The following CACNA1C variants were observed in gnomAD, a reference collection of about 807,000 sequenced individuals.
CACNA1C encodes calcium voltage-gated channel subunit alpha1 C, also known as voltage-dependent L-type calcium channel subunit alpha-1C.
Under a neutral mutation model 229.0 loss-of-function variants are expected in CACNA1C, and 30 were observed. That is an observed-to-expected ratio of 0.13 (90% confidence interval 0.10 to 0.18). CACNA1C has a LOEUF of 0.18. Ranked by LOEUF, CACNA1C falls within the 10% of genes least tolerant of loss-of-function variation. The pLI is 1.00. For missense variants in CACNA1C, 1,658 were observed against 2,845.0 expected (o/e 0.58, Z 9.49); for synonymous variants, 1,114 against 1,132.5 (o/e 0.98, Z 0.33).
At chr12:2,581,509 C>G in intron 13 of CACNA1C, 81 bp from the exon 14 acceptor site, 1 of 1,264,994 alleles carries the variant, frequency 7.9e-7, no homozygotes, top group Admixed American at 2.4e-5. Flanking sequence ...TGAGAACCTG[C>G]AGTGGGCAGT....
chr12:2,100,582 C>CA (rs71441677), intron 1 of CACNA1C, among the ~76,000 whole-genome samples: 1,491 of 66,166 alleles, frequency 0.023, 19 homozygotes, highest in African/African-American at 0.04. Context: ...CTGTTTCTAC[C>CA]AAAAAAAAAA....
At chr12:2,641,385 A>G (rs553286157) in intron 30 of CACNA1C, 142 of 235,772 alleles carry the variant, frequency 6.0e-4, no homozygotes, top group South Asian at 1.2e-3. Flanking sequence ...GCTGTTGCCA[A>G]CCATTGTCTA....
At chr12:2,662,745 C>A (rs2095831921) in intron 34 of CACNA1C, among the ~76,000 whole-genome samples, 1 of 152,170 alleles carries the variant, frequency 6.6e-6, no homozygotes, top group African/African-American at 2.4e-5. Flanking sequence ...TACTATAAGG[C>A]AACTTACTAT....
chr12:2,382,642 T>C (rs2098276027), intron 3 of CACNA1C, among the ~76,000 whole-genome samples: 1 of 152,202 alleles, frequency 6.6e-6, no homozygotes, highest in African/African-American at 2.4e-5. Context: ...AGGAGAGATG[T>C]AGGAGCCAAC....
chr12:2,252,627 T>A (rs752894948), intron 3 of CACNA1C, among the ~76,000 whole-genome samples: 10 of 152,184 alleles, frequency 6.6e-5, no homozygotes, highest in Admixed American at 2.0e-4. Flanking sequence ...TTGTAGGTGG[T>A]AGAGGCCTGG....
chr12:2,585,980 G>T lies in CACNA1C; in HGVS notation c.2530+76G>T. 1 of 844,228 alleles carries T rather than the reference G, an allele frequency of 1.2e-6. No individual in the cohort carries two copies. The highest frequency in any genetic ancestry group is 1.8e-6 in the Non-Finnish European group (1 of 540,846). 52.3% of individuals were successfully genotyped at this position (844,228 alleles called of 1,614,324 possible). A position where few individuals can be genotyped will look rare whatever the true frequency, so the allele number is the denominator to read the frequency against. On this transcript the variant is annotated intron_variant, in intron 18 of 46. Transcript: ENST00000399655. The surrounding 1 kb of genome is among the most constrained non-coding windows in gnomAD (Gnocchi z 4.1). ...TAAATTCTAAAGCCACGTGGGAGTG[G>T]CCATATATTAGGGACCATGGTTCCA...
rs2153552054 is a variant in CACNA1C at position 2,630,159 on chromosome 12, C to T, written c.3829-4138C>T. 6.6e-6 allele frequency among the ~76,000 whole-genome samples: 1 copy of T among 152,336 alleles called. No homozygotes were observed. Among genetic ancestry groups the T allele is most frequent in the East Asian group, 1.9e-4 (1 of 5,186 alleles). Reference sequence around the variant, plus strand: ...GCCAGGAAAACCCTTTCTCCAACCCCTTACTTCTCAACCATTTGGGACACA... The same window carrying T: ...GCCAGGAAAACCCTTTCTCCAACCCTTTACTTCTCAACCATTTGGGACACA... On this transcript the variant is annotated intron_variant, in intron 29 of 46. Transcript: ENST00000399655. The surrounding 1 kb of genome is among the most constrained non-coding windows in gnomAD (Gnocchi z 5.4).
intron 3 of CACNA1C, among the ~76,000 whole-genome samples, chr12:2,385,666 A>G (rs2098367973): frequency 6.6e-6 from 1 of 152,154 alleles, no homozygotes; most frequent in African/African-American, 2.4e-5. Flanking sequence ...TAAGAAGCAA[A>G]CCTGGTAAAA....
At chr12:2,669,071 G>T in intron 38 of CACNA1C, 36 bp downstream of exon 38, 1 of 1,394,218 alleles carries the variant, frequency 7.2e-7, no homozygotes, top group Non-Finnish European at 1.0e-6. Flanking sequence ...GAGACACTCA[G>T]AAGGTCTAGC....
intron 13 of CACNA1C, among the ~76,000 whole-genome samples, chr12:2,579,255 C>T (rs1439341334): frequency 6.6e-6 from 1 of 152,166 alleles, no homozygotes; most frequent in African/African-American, 2.4e-5. Flanking sequence ...CTCCAACCTT[C>T]CATGACCATT....
rs1278380512 is a variant in CACNA1C at position 2,053,845 on chromosome 12, T to G, written c.49+234T>G. 6.7e-6 allele frequency among the ~76,000 whole-genome samples: 1 copy of G among 148,692 alleles called. No homozygotes were observed. Among genetic ancestry groups the G allele is most frequent in the African/African-American group, 2.5e-5 (1 of 40,402 alleles). On this transcript the variant is annotated intron_variant, in intron 1 of 46. Transcript: ENST00000399655. The surrounding 1 kb of genome is among the most constrained non-coding windows in gnomAD (Gnocchi z 5.8). ...GCCCCTCCCCCTCCGGGCCCCAGCT[T>G]CTCCAGAGCATGTGTTTCCTGTGAA...
chr12:2,601,888 C>G lies in CACNA1C; in HGVS notation c.2888C>G (p.Ser963Cys), dbSNP rs2072546048. Reference protein sequence around the residue: ...TAYGAFLHKGSFCRNYFNILD... With the variant: ...TAYGAFLHKGCFCRNYFNILD... ...TATGGGGCTTTCTTGCACAAGGGTTCTTTCTGCCGGAACTACTTCAACATC... is the reference window on the plus strand; with the variant it reads ...TATGGGGCTTTCTTGCACAAGGGTTGTTTCTGCCGGAACTACTTCAACATC... Residue 963 changes from serine (S) to cysteine (C), a missense_variant, in exon 22 of 47, where the codon TCT (serine) becomes TGT (cysteine). Physicochemically the swap from Ser to Cys is moderately radical, Grantham distance 112. Transcript: ENST00000399655. This position sits in a 1 kb window ranked among gnomAD's most constrained non-coding sequence, Gnocchi z 5.9. 6.2e-7 allele frequency: 1 copy of G among 1,613,818 alleles called. No homozygotes were observed. Among genetic ancestry groups the G allele is most frequent in the African/African-American group, 1.3e-5 (1 of 74,924 alleles).
intron 29 of CACNA1C, among the ~76,000 whole-genome samples, chr12:2,627,662 T>C (rs1051991259): frequency 6.6e-6 from 1 of 152,072 alleles, no homozygotes; most frequent in Non-Finnish European, 1.5e-5. Context: ...CTAGGTCCGG[T>C]GAAGCCATCT....
intron 29 of CACNA1C, among the ~76,000 whole-genome samples, chr12:2,627,478 T>G (rs1156703033): frequency 6.6e-6 from 1 of 152,042 alleles, no homozygotes; most frequent in Non-Finnish European, 1.5e-5. Flanking sequence ...TCTCCCCGGT[T>G]CATTCGGCTC....
intron 3 of CACNA1C, among the ~76,000 whole-genome samples, chr12:2,263,172 A>C (rs1208633699): frequency 1.3e-5 from 2 of 151,784 alleles, no homozygotes; most frequent in African/African-American, 4.8e-5. Flanking sequence ...ATCTGGGGAG[A>C]GGGCATTCAA....
At chr12:2,521,141 A>C (rs1398490884) in intron 9 of CACNA1C, among the ~76,000 whole-genome samples, 1 of 152,270 alleles carries the variant, frequency 6.6e-6, no homozygotes. Flanking sequence ...CAGCTGAGAA[A>C]GACACCAGAA....
At chr12:2,292,844 C>A (rs1310710868) in intron 3 of CACNA1C, among the ~76,000 whole-genome samples, 4 of 152,006 alleles carry the variant, frequency 2.6e-5, no homozygotes, top group African/African-American at 9.7e-5. Context: ...CCATGCCCTG[C>A]GGCACCAGGC....
At chr12:2,353,593 G>A (rs1289323777) in intron 3 of CACNA1C, among the ~76,000 whole-genome samples, 1 of 152,190 alleles carries the variant, frequency 6.6e-6, no homozygotes, top group African/African-American at 2.4e-5. Context: ...TGGAGGAGAC[G>A]GGTCAGCAGC....
chr12:2,022,852 C>T (rs539287484), intron 1 of CACNA1C, among the ~76,000 whole-genome samples: 2 of 152,248 alleles, frequency 1.3e-5, no homozygotes, highest in East Asian at 1.9e-4. Context: ...TCCTGAGAAC[C>T]TATCAGTGGC....
Sources: gnomAD v4.1 joint callset for allele counts (sites outside exome capture counted in the v4.1 genomes callset) on GRCh38, gnomAD v4.1.1 for gene constraint, Gnocchi (gnomAD v3.1) non-coding constraint, MANE v1.5 for transcripts, NCBI Gene and HGNC (gene_info 2026-07-23, HGNC 2026-07-21) for gene names.